Variants in CCDC178 observed in about 807,000 individuals in gnomAD.
The protein encoded by CCDC178 is coiled-coil domain-containing protein 178.
Under a neutral mutation model 117.4 loss-of-function variants are expected in CCDC178, and 126 were observed. That is an observed-to-expected ratio of 1.07 (90% CI 0.93 to 1.24). The LOEUF is 1.24. Ranked by LOEUF, CCDC178 falls within the 50% of genes most tolerant of loss-of-function variation. CCDC178 has a pLI of 0.00. For synonymous variants in CCDC178, 283 were observed against 313.4 expected (o/e 0.90, Z 1.02); for missense variants, 1,030 against 986.9 (o/e 1.04, Z -0.59).
At chr18:33,315,995 T>C (rs534648286) in intron 11 of CCDC178, among the ~76,000 whole-genome samples, 43 of 152,232 alleles carry the variant, frequency 2.8e-4, no homozygotes, top group Non-Finnish European at 5.4e-4. Flanking sequence ...GACACGTTCC[T>C]CCTCTTACTT....
At position 33,203,253 on chromosome 18, in the gene CCDC178, A is replaced by G. The variant is rs1198033146; in HGVS notation, c.2238+8643T>C. On this transcript the variant is annotated intron_variant, in intron 20 of 22. Transcript: ENST00000383096. ...TTGCTTTTTCATTTATAGACACTCA[A>G]TAAATTAAAGATATTAGGTGCCACA... Among the ~76,000 whole-genome samples, 4 of 152,198 alleles carry G rather than the reference A, an allele frequency of 2.6e-5. No homozygotes were observed. In the East Asian group the frequency reaches 5.8e-4, roughly 22 times the overall value.
At chr18:33,144,589 C>T (rs35011937) in intron 20 of CCDC178, among the ~76,000 whole-genome samples, 1 of 152,038 alleles carries the variant, frequency 6.6e-6, no homozygotes, top group Non-Finnish European at 1.5e-5. Context: ...TGACCACACC[C>T]TAAACTATAT....
intron 22 of CCDC178, among the ~76,000 whole-genome samples, chr18:32,973,507 T>C (rs993554407): frequency 1.2e-4 from 18 of 152,072 alleles, no homozygotes; most frequent in Non-Finnish European, 1.5e-4. Context: ...AAATCTTCCT[T>C]TTTCTTCTAT....
At chr18:32,954,835 G>C (rs568250867) in intron 22 of CCDC178, among the ~76,000 whole-genome samples, 1 of 152,076 alleles carries the variant, frequency 6.6e-6, no homozygotes, top group Non-Finnish European at 1.5e-5. Context: ...AATGGTGTAA[G>C]ACAGTGTTTT....
intron 21 of CCDC178, among the ~76,000 whole-genome samples, chr18:33,012,766 A>G (rs1766658075): frequency 6.6e-6 from 1 of 152,140 alleles, no homozygotes; most frequent in Non-Finnish European, 1.5e-5. Flanking sequence ...TCGCCATATG[A>G]TACAATTTCC....
At chr18:33,133,423 T>C (rs1029987167) in intron 20 of CCDC178, among the ~76,000 whole-genome samples, 1 of 151,926 alleles carries the variant, frequency 6.6e-6, no homozygotes, top group Admixed American at 6.6e-5. Context: ...CTAGGTTTTA[T>C]AGAAAGAAAT....
At chr18:33,269,923 T>G (rs948239126) in intron 12 of CCDC178, among the ~76,000 whole-genome samples, 2 of 151,830 alleles carry the variant, frequency 1.3e-5, no homozygotes, top group African/African-American at 4.8e-5. Flanking sequence ...AAATTAGACA[T>G]TTTATTTATT....
At chr18:33,430,740 T>C (rs182726638) in intron 2 of CCDC178, among the ~76,000 whole-genome samples, 1 of 152,326 alleles carries the variant, frequency 6.6e-6, no homozygotes, top group Non-Finnish European at 1.5e-5. Context: ...TAGTCTAACC[T>C]GTTCTAATAG....
At chr18:32,975,874 T>C (rs569076618) in intron 21 of CCDC178, among the ~76,000 whole-genome samples, 171 of 152,248 alleles carry the variant, frequency 1.1e-3, no homozygotes, top group Middle Eastern at 6.8e-3. Flanking sequence ...AAAACATCAA[T>C]AAAGAGTGTA....
intron 20 of CCDC178, among the ~76,000 whole-genome samples, chr18:33,156,659 A>AAG (rs1176426231): frequency 6.6e-6 from 1 of 151,236 alleles, no homozygotes; most frequent in East Asian, 1.9e-4. Context: ...AAAAAAAAAA[A>AAG]AAGAGAAAAT....
At chr18:33,303,342 A>G (rs1318034359) in intron 11 of CCDC178, among the ~76,000 whole-genome samples, 2 of 152,214 alleles carry the variant, frequency 1.3e-5, no homozygotes, top group African/African-American at 4.8e-5. Flanking sequence ...GGTGGGAGGA[A>G]GCAAGGAATA....
At chr18:33,284,532 G>A (rs1288626827) in intron 12 of CCDC178, among the ~76,000 whole-genome samples, 10 of 151,996 alleles carry the variant, frequency 6.6e-5, no homozygotes, top group African/African-American at 2.4e-4. Flanking sequence ...TATATTACAA[G>A]GCCTGTGTGT....
intron 11 of CCDC178, among the ~76,000 whole-genome samples, chr18:33,318,004 A>C (rs1437830933): frequency 6.6e-6 from 1 of 152,132 alleles, no homozygotes. Flanking sequence ...AACCGGAAGA[A>C]GGCATAGGAG....
chr18:33,221,676 A>T (rs1390874441), intron 18 of CCDC178, among the ~76,000 whole-genome samples: 14 of 152,132 alleles, frequency 9.2e-5, no homozygotes, highest in Non-Finnish European at 1.6e-4. Context: ...CACATAATTT[A>T]AAAACCTTCT....
At chr18:33,391,436 G>C (rs933915740) in intron 4 of CCDC178, among the ~76,000 whole-genome samples, 1 of 152,046 alleles carries the variant, frequency 6.6e-6, no homozygotes, top group African/African-American at 2.4e-5. Flanking sequence ...TACAGGATGT[G>C]ATGAGTACAA....
Position 33,095,854 on chromosome 18 carries a change from A to C in CCDC178, c.2239-2944T>G, listed in dbSNP as rs116988591. On this transcript the variant is annotated intron_variant, in intron 20 of 22. Transcript: ENST00000383096. ...AATCATACCATATGTTTTTGTATTA[A>C]AAACTATTCTAAAGATAACCATATT... Among the ~76,000 whole-genome samples the C allele has an allele frequency of 1.6e-3, 249 of 152,034 alleles. 6 individuals are homozygous for C. In the East Asian group the frequency reaches 0.036, roughly 22 times the overall value.
chr18:33,128,571 G>A (rs1296832617), intron 20 of CCDC178, among the ~76,000 whole-genome samples: 1 of 152,186 alleles, frequency 6.6e-6, no homozygotes. Flanking sequence ...CAAGAATCTG[G>A]CCCTCATGCA....
chr18:33,198,080 G>A (rs747009665), intron 20 of CCDC178, among the ~76,000 whole-genome samples: 1 of 152,144 alleles, frequency 6.6e-6, no homozygotes, highest in Non-Finnish European at 1.5e-5. Flanking sequence ...GACAGTGGGA[G>A]GGCTACCTGG....
chr18:32,958,656 A>G (rs1336435306), intron 22 of CCDC178, among the ~76,000 whole-genome samples: 1 of 152,196 alleles, frequency 6.6e-6, no homozygotes, highest in Non-Finnish European at 1.5e-5. Context: ...GCAATAATTG[A>G]AGCAGGTTCA....
Sources: allele counts gnomAD v4.1 joint callset (sites outside exome capture counted in the v4.1 genomes callset), GRCh38; gene constraint gnomAD v4.1.1; transcripts MANE v1.5; gene names NCBI Gene and HGNC (gene_info 2026-07-23, HGNC 2026-07-21).